TRNT1: variants seen among roughly 807,000 people sequenced by gnomAD.
TRNT1 encodes CCA tRNA nucleotidyltransferase 1, mitochondrial.
A neutral mutation model predicts 45.6 loss-of-function variants in TRNT1; 44 were observed. The observed-to-expected ratio is 0.97, with a 90% CI of 0.76 to 1.24. TRNT1 has a LOEUF of 1.24. Among genes scored for constraint, TRNT1 ranks in the 50% most tolerant of loss-of-function variants. TRNT1 has a pLI of 0.00. For missense variants in TRNT1, 633 were observed against 504.4 expected, an observed-to-expected ratio of 1.25 and a Z score of -2.44; for synonymous variants, 201 against 171.4, an observed-to-expected ratio of 1.17 and a Z score of -1.35.
chr3:3,135,342 G>T (rs560993183), intron 2 of TRNT1, among the ~76,000 whole-genome samples: 55 of 152,262 alleles, frequency 3.6e-4, no homozygotes, highest in Non-Finnish European at 6.6e-4. Context: ...GAAGCCTTTG[G>T]ATATAGCACT....
intron 2 of TRNT1, among the ~76,000 whole-genome samples, chr3:3,132,697 T>TAAAA (rs774865877): frequency 2.7e-5 from 1 of 37,558 alleles, no homozygotes; most frequent in Non-Finnish European, 6.4e-5. Context: ...AAAAAAAAAT[T>TAAAA]AAAAAAATAA....
At chr3:3,129,683 A>C (rs1038647486) in intron 2 of TRNT1, among the ~76,000 whole-genome samples, 1 of 152,262 alleles carries the variant, frequency 6.6e-6, no homozygotes, top group Non-Finnish European at 1.5e-5. Flanking sequence ...TGCAGTAAAA[A>C]GCATGGCTTT....
intron 5 of TRNT1, chr3:3,145,477 T>C (rs1372664580): frequency 4.7e-5 from 6 of 127,096 alleles, no homozygotes; most frequent in African/African-American, 1.9e-4. Flanking sequence ...CACTCCAGCC[T>C]GGGCGACAGA....
intron 3 of TRNT1, 132 bp downstream of exon 3, chr3:3,137,585 C>G (rs1705405625): frequency 1.6e-6 from 1 of 624,894 alleles, no homozygotes; most frequent in East Asian, 3.0e-5. Context: ...GTCATAAACC[C>G]TGCAGTCCTC....
At chr3:3,152,594 CA>C (rs1290411886), downstream of TRNT1, 5 of 1,613,734 alleles carry the variant, frequency 3.1e-6, no homozygotes, top group African/African-American at 6.7e-5. Flanking sequence ...TAAACTAAAA[CA>C]AAGAATCAAC....
downstream of TRNT1, chr3:3,152,679 G>A (rs1260540701): frequency 4.8e-6 from 7 of 1,455,280 alleles, no homozygotes; most frequent in East Asian, 1.4e-4. Flanking sequence ...ACCAAGAAAT[G>A]AGGTATGAGC....
intron 2 of TRNT1, among the ~76,000 whole-genome samples, chr3:3,136,135 G>C (rs562963393): frequency 1.3e-5 from 2 of 152,328 alleles, no homozygotes; most frequent in East Asian, 3.9e-4. Context: ...GTGTATCATG[G>C]ACAGTGTTCA....
At chr3:3,127,369 G>T (rs1704653049) in intron 1 of TRNT1, 1 of 152,292 alleles carries the variant, frequency 6.6e-6, no homozygotes, top group Non-Finnish European at 1.5e-5. Context: ...AACTGAGTGG[G>T]TCTTTCCGCC....
chr3:3,146,665 A>G lies in TRNT1; in HGVS notation c.802+42A>G, dbSNP rs1417435980. The G allele has an allele frequency of 3.4e-6, 5 of 1,485,272 alleles. No homozygotes were observed. In the Admixed American group the frequency reaches 1.1e-4, roughly 34 times the overall value. The allele number at this position is 1,485,272 out of a possible 1,614,324, so 92.0% of individuals were successfully genotyped here. On this transcript the variant is annotated intron_variant, in intron 6 of 7. Transcript: ENST00000251607. Reference sequence around the variant, plus strand: ...AAGTGTTTGAATTTTTGGCAGTGAAATATCTGGTTTCAAATTTCATAAGGA... The same window carrying G: ...AAGTGTTTGAATTTTTGGCAGTGAAGTATCTGGTTTCAAATTTCATAAGGA...
Position 3,144,165 on chromosome 3 carries a change from G to A in TRNT1, c.482-419G>A, listed in dbSNP as rs528459636. Among the ~76,000 whole-genome samples the A allele has an allele frequency of 4.6e-5, 7 of 152,194 alleles. No individual in the cohort carries two copies. In the South Asian group the frequency reaches 1.5e-3, roughly 32 times the overall value. Reference sequence around the variant, plus strand: ...CGTTTTCTGTTTTCTTGCTGAGTTTGAAAGATCTTCAAGATTATAAAGATT... The same window carrying A: ...CGTTTTCTGTTTTCTTGCTGAGTTTAAAAGATCTTCAAGATTATAAAGATT... On this transcript the variant is annotated intron_variant, in intron 4 of 7. Transcript: ENST00000251607.
chr3:3,140,671 T>C, intron 4 of TRNT1, 23 bp downstream of exon 4: 1 of 1,609,974 alleles, frequency 6.2e-7, no homozygotes, highest in Non-Finnish European at 8.5e-7. Flanking sequence ...GATAAAACCA[T>C]ATTGTGAGTC....
At chr3:3,150,672 T>TGCTTGTTTCCTAAA, downstream of TRNT1, 1 of 565,634 alleles carries the variant, frequency 1.8e-6, no homozygotes, top group African/African-American at 1.9e-5. Context: ...CTGCCGTTCA[T>TGCTTGTTTCCTAAA]GCTTGTTTCC....
At chr3:3,137,174 T>G in intron 2 of TRNT1, 86 bp from the exon 3 acceptor site, 1 of 1,112,724 alleles carries the variant, frequency 9.0e-7, no homozygotes, top group Non-Finnish European at 1.2e-6. Context: ...TCCAACTAGA[T>G]GGAAAAGCCT....
chr3:3,150,709 C>T, downstream of TRNT1: 1 of 714,716 alleles, frequency 1.4e-6, no homozygotes, highest in Non-Finnish European at 2.3e-6. Context: ...GTTTCAAATA[C>T]AGTTTCACTT....
rs773050420 is a variant in TRNT1 at position 3,137,435 on chromosome 3, C to T, written c.324C>T (p.His108=). Residue 108 remains histidine, a synonymous_variant, in exon 3 of 8, where the codon CAC becomes CAT. Transcript: ENST00000251607. The stretch of plus-strand genomic sequence containing the variant: ...TGATAAACAACAGAGGAGAAAAGCA[C>T]GGAACAATTACTGCCAGGGTGAGTC... ...IRMINNRGEK[H]GTITARLHEE... 2.7e-5 allele frequency: 44 copies of T among 1,610,564 alleles called. No individual in the cohort carries two copies. The highest frequency in any genetic ancestry group is 1.7e-4 in the Middle Eastern group (1 of 6,048).
downstream of TRNT1, chr3:3,149,567 A>C (rs1463418767): frequency 6.6e-6 from 1 of 151,716 alleles, no homozygotes; most frequent in Non-Finnish European, 1.5e-5. Flanking sequence ...TACTGACAGG[A>C]ACTTCCTGGA....
chr3:3,149,284 A>G (rs1007628438), downstream of TRNT1: 3 of 152,080 alleles, frequency 2.0e-5, no homozygotes, highest in Non-Finnish European at 2.9e-5. Context: ...CTTACTTAAA[A>G]TATTTAAGTA....
At chr3:3,140,899 G>A (rs1446269766) in intron 4 of TRNT1, among the ~76,000 whole-genome samples, 1 of 152,164 alleles carries the variant, frequency 6.6e-6, no homozygotes, top group Non-Finnish European at 1.5e-5. Context: ...TGGCTAACAC[G>A]GTGAAACCCC....
chr3:3,131,422 T>A (rs1442332703), intron 2 of TRNT1: 1 of 152,222 alleles, frequency 6.6e-6, no homozygotes, highest in African/African-American at 2.4e-5. Flanking sequence ...TATAGTTTCT[T>A]GAACATCATT....
Sources: gnomAD v4.1 joint callset for allele counts (sites outside exome capture counted in the v4.1 genomes callset) on GRCh38, gnomAD v4.1.1 for gene constraint, MANE v1.5 for transcripts, NCBI Gene and HGNC (gene_info 2026-07-23, HGNC 2026-07-21) for gene names.